RPH3A: variants seen among roughly 807,000 people sequenced by gnomAD.
RPH3A encodes rabphilin 3A.
Under a neutral mutation model 102.2 loss-of-function variants are expected in RPH3A, and 48 were observed. The ratio of observed to expected loss-of-function variants is 0.47; its 90% CI spans 0.37 to 0.60. RPH3A has a LOEUF of 0.60. Among genes scored for constraint, RPH3A ranks in the 20% least tolerant of loss-of-function variants. RPH3A has a pLI of 0.00. For missense variants in RPH3A, 781 were observed against 910.1 expected, an observed-to-expected ratio of 0.86 and a Z score of 1.83; for synonymous variants, 310 against 324.3, an observed-to-expected ratio of 0.96 and a Z score of 0.47.
chr12:112,590,890 G>GT (rs1269512196), intron 1 of RPH3A, among the ~76,000 whole-genome samples: 1 of 152,012 alleles, frequency 6.6e-6, no homozygotes, highest in Non-Finnish European at 1.5e-5. Flanking sequence ...GAAACCTTAG[G>GT]TTCAAGTGAT....
intron 2 of RPH3A, among the ~76,000 whole-genome samples, chr12:112,792,740 G>A (rs2041148177): frequency 6.6e-6 from 1 of 152,232 alleles, no homozygotes; most frequent in South Asian, 2.1e-4. Context: ...GCACAGGACA[G>A]AGCTTAGATT....
At chr12:112,873,980 A>T (rs2042750457) in intron 10 of RPH3A, 1 of 152,220 alleles carries the variant, frequency 6.6e-6, no homozygotes. Context: ...TGAATGGACA[A>T]ATGAACAGGG....
chr12:112,815,289 CGCT>C (rs1409796586), intron 2 of RPH3A, among the ~76,000 whole-genome samples: 1 of 152,194 alleles, frequency 6.6e-6, no homozygotes, highest in African/African-American at 2.4e-5. Context: ...AACCACATGA[CGCT>C]GCCATTATGC....
intron 1 of RPH3A, among the ~76,000 whole-genome samples, chr12:112,690,946 C>G (rs1307267278): frequency 6.6e-6 from 1 of 152,090 alleles, no homozygotes; most frequent in Non-Finnish European, 1.5e-5. Context: ...CTATATAAAT[C>G]TACACATTCT....
intron 1 of RPH3A, among the ~76,000 whole-genome samples, chr12:112,774,841 A>G (rs542743657): frequency 6.6e-6 from 1 of 152,312 alleles, no homozygotes; most frequent in Admixed American, 6.5e-5. Flanking sequence ...TAGGAAAAAT[A>G]GGAAAAATTG....
rs368550649 is a variant in RPH3A, at chr12:112,608,308, G to A, written c.-140+32989G>A. The stretch of plus-strand genomic sequence containing the variant: ...TTTTTGTATTTTTAGTAGAGATGGG[G>A]TTTCACCATGTTGGCCAGGCTGGTC... On this transcript the variant is annotated intron_variant, in intron 1 of 21. Transcript: ENST00000543106. Among the ~76,000 whole-genome samples the A allele has an allele frequency of 7.7e-4, 117 of 151,980 alleles. No individual in the cohort carries two copies. In the South Asian group the frequency reaches 0.016, roughly 21 times the overall value.
intron 2 of RPH3A, among the ~76,000 whole-genome samples, chr12:112,800,710 T>C (rs144625268): frequency 1.7e-3 from 259 of 152,074 alleles, no homozygotes; most frequent in African/African-American, 6.2e-3. Context: ...GCTTTACTGA[T>C]GGATCAGACA....
At chr12:112,677,763 C>T (rs1639857599) in intron 1 of RPH3A, among the ~76,000 whole-genome samples, 1 of 152,054 alleles carries the variant, frequency 6.6e-6, no homozygotes, top group Non-Finnish European at 1.5e-5. Flanking sequence ...GCTTGGCACA[C>T]GGCAAAGCAG....
At chr12:112,592,551 T>C (rs2039487082) in intron 1 of RPH3A, among the ~76,000 whole-genome samples, 1 of 152,226 alleles carries the variant, frequency 6.6e-6, no homozygotes, top group Non-Finnish European at 1.5e-5. Context: ...ACTCCTGACC[T>C]CACGTGATCT....
intron 1 of RPH3A, among the ~76,000 whole-genome samples, chr12:112,734,205 T>G (rs1295541587): frequency 6.6e-6 from 1 of 152,208 alleles, no homozygotes; most frequent in Non-Finnish European, 1.5e-5. Flanking sequence ...CTTAGATATG[T>G]TTAGATACAC....
intron 1 of RPH3A, among the ~76,000 whole-genome samples, chr12:112,727,019 T>C (rs2040595498): frequency 1.3e-5 from 2 of 151,388 alleles, no homozygotes; most frequent in South Asian, 4.2e-4. Flanking sequence ...CCAGACTCCA[T>C]CTCCAATAAA....
chr12:112,851,327 A>T (rs1250505029), intron 5 of RPH3A, among the ~76,000 whole-genome samples: 2 of 152,124 alleles, frequency 1.3e-5, no homozygotes, highest in African/African-American at 4.8e-5. Context: ...TAAATGTCTG[A>T]GATGTTTTTC....
chr12:112,667,662 AAGAGAGAGAGAGAGAGAGAGAGAGAG>A lies in RPH3A; in HGVS notation c.-140+92377_-140+92402del, dbSNP rs71086114. ...CACCATTCATGGGCAGAGATGAATA[AAGAGAGAGAGAGAGAGAGAGAGAGAG>A]AGAGAGAGAGAGAGAGAGAGAGAGA... is the stretch of plus-strand genomic sequence containing the variant. On this transcript the variant is annotated intron_variant, in intron 1 of 21. Coordinates refer to the RPH3A transcript ENST00000543106. Among the ~76,000 whole-genome samples, 349 of 72,830 alleles carry A rather than the reference AAGAGAGAGAGAGAGAGAGAGAGAGAG, an allele frequency of 4.8e-3. 3 individuals are homozygous for A. The highest frequency in any genetic ancestry group is 0.013 in the African/African-American group (260 of 20,488). The allele number at this position is 72,830 out of a possible 152,430, so 47.8% of individuals were successfully genotyped here.
intron 1 of RPH3A, among the ~76,000 whole-genome samples, chr12:112,718,461 G>T (rs2040528517): frequency 6.6e-6 from 1 of 152,154 alleles, no homozygotes; most frequent in African/African-American, 2.4e-5. Context: ...GGGGGATGGG[G>T]GTGGGTGTGG....
intron 1 of RPH3A, among the ~76,000 whole-genome samples, chr12:112,591,187 A>G (rs1414353689): frequency 6.7e-6 from 1 of 149,304 alleles, no homozygotes; most frequent in Non-Finnish European, 1.5e-5. Flanking sequence ...CCTGGGCTCA[A>G]TGATCCTCCC....
intron 1 of RPH3A, among the ~76,000 whole-genome samples, chr12:112,720,832 A>C (rs2040545633): frequency 6.6e-6 from 1 of 152,210 alleles, no homozygotes; most frequent in South Asian, 2.1e-4. Flanking sequence ...AGGGAAGTAC[A>C]CTTGGTCTTT....
intron 2 of RPH3A, among the ~76,000 whole-genome samples, chr12:112,820,616 A>G (rs1171473869): frequency 6.6e-6 from 1 of 152,220 alleles, no homozygotes. Flanking sequence ...GGTACAACCT[A>G]AGCAGCCATT....
intron 1 of RPH3A, among the ~76,000 whole-genome samples, chr12:112,577,708 AT>A (rs544357302): frequency 1.8e-3 from 247 of 133,886 alleles, no homozygotes; most frequent in East Asian, 2.8e-3. Context: ...ATGCCCACCT[AT>A]TTTTTTTTTT....
At chr12:112,798,847 C>T (rs1423546396) in intron 2 of RPH3A, among the ~76,000 whole-genome samples, 3 of 152,118 alleles carry the variant, frequency 2.0e-5, no homozygotes, top group Non-Finnish European at 4.4e-5. Context: ...TTCCCTCTCT[C>T]CCTTTCTCTC....
Sources: gnomAD v4.1 joint callset for allele counts (sites outside exome capture counted in the v4.1 genomes callset) on GRCh38, gnomAD v4.1.1 for gene constraint, MANE v1.5 for transcripts, NCBI Gene and HGNC (gene_info 2026-07-23, HGNC 2026-07-21) for gene names.